The following CNTNAP5 variants were observed in gnomAD, a reference collection of about 807,000 sequenced individuals.
CNTNAP5 encodes the protein contactin associated protein family member 5.
Under a neutral mutation model 150.2 loss-of-function variants are expected in CNTNAP5, and 72 were observed. The observed-to-expected ratio is 0.48, with a 90% CI of 0.40 to 0.58. CNTNAP5 has a LOEUF of 0.58. Among genes scored for constraint, CNTNAP5 ranks in the 20% least tolerant of loss-of-function variants. CNTNAP5 has a pLI of 0.00. For synonymous variants in CNTNAP5, 672 were observed against 619.8 expected, an observed-to-expected ratio of 1.08 and a Z score of -1.25; for missense variants, 1,636 against 1,626.2, an observed-to-expected ratio of 1.01 and a Z score of -0.10.
At position 124,092,879 on chromosome 2, in the gene CNTNAP5, A is replaced by G. The variant is rs572426601; in HGVS notation, c.82+67147A>G. Among the ~76,000 whole-genome samples, 55 of 152,352 alleles carry G rather than the reference A, an allele frequency of 3.6e-4. 1 individual carries two copies. Among genetic ancestry groups the G allele is most frequent in the South Asian group, 2.1e-3 (10 of 4,830 alleles). On this transcript the variant is annotated intron_variant, in intron 1 of 23. Coordinates refer to ENST00000682447, the MANE Select transcript of CNTNAP5 (RefSeq NM_001367498.1). ...TACATGATAAAAATCACGTGATACA[A>G]ACAATGAAACAGGGAAATAGTAATG...
intron 6 of CNTNAP5, among the ~76,000 whole-genome samples, chr2:124,451,029 T>TAAA (rs1156744323): frequency 0.034 from 686 of 19,940 alleles, 42 homozygotes; most frequent in Non-Finnish European, 0.041. Flanking sequence ...CCATGTCTCT[T>TAAA]AAAAAAAAAA....
At chr2:124,885,628 C>G (rs901882723) in intron 21 of CNTNAP5, among the ~76,000 whole-genome samples, 6 of 151,442 alleles carry the variant, frequency 4.0e-5, no homozygotes, top group Non-Finnish European at 5.9e-5. Flanking sequence ...CATCTTCACC[C>G]CTCCTCTTAG....
chr2:124,510,273 C>CTATATCTATATATATATATCTA (rs1553474633), intron 8 of CNTNAP5, among the ~76,000 whole-genome samples: 6,120 of 33,818 alleles, frequency 0.18, 353 homozygotes, highest in South Asian at 0.27. Context: ...ATCTATATAT[C>CTATATCTATATATATATATCTA]TATATCTATA....
chr2:124,209,969 G>A (rs1164541238), intron 1 of CNTNAP5, among the ~76,000 whole-genome samples: 1 of 152,114 alleles, frequency 6.6e-6, no homozygotes, highest in Non-Finnish European at 1.5e-5. Flanking sequence ...CCAATAAATT[G>A]GCAAATCCAA....
intron 1 of CNTNAP5, among the ~76,000 whole-genome samples, chr2:124,180,714 G>A (rs1685187803): frequency 6.6e-6 from 1 of 152,062 alleles, no homozygotes; most frequent in Admixed American, 6.6e-5. Context: ...TATGTTATGT[G>A]GAAACATAGT....
At chr2:124,366,798 C>A (rs56186929) in intron 3 of CNTNAP5, among the ~76,000 whole-genome samples, 1 of 152,148 alleles carries the variant, frequency 6.6e-6, no homozygotes, top group Non-Finnish European at 1.5e-5. Context: ...GAAAAGAGGG[C>A]TGAGTCTTAT....
At chr2:124,444,895 C>T (rs996683085) in intron 5 of CNTNAP5, among the ~76,000 whole-genome samples, 1 of 152,130 alleles carries the variant, frequency 6.6e-6, no homozygotes, top group Admixed American at 6.5e-5. Context: ...CAGCACCGCA[C>T]TCTGCATTTC....
At chr2:124,064,822 C>T (rs1345016698) in intron 1 of CNTNAP5, among the ~76,000 whole-genome samples, 7 of 152,124 alleles carry the variant, frequency 4.6e-5, no homozygotes, top group Non-Finnish European at 1.0e-4. Context: ...GGTTTTCCCA[C>T]CACCGGGAAT....
At chr2:124,076,017 G>A (rs1310579305) in intron 1 of CNTNAP5, among the ~76,000 whole-genome samples, 1 of 152,146 alleles carries the variant, frequency 6.6e-6, no homozygotes, top group Non-Finnish European at 1.5e-5. Flanking sequence ...TAGGAATTAT[G>A]AGTTTGCCCA....
At chr2:124,646,196 T>G (rs1357087872) in intron 12 of CNTNAP5, among the ~76,000 whole-genome samples, 1 of 152,208 alleles carries the variant, frequency 6.6e-6, no homozygotes, top group African/African-American at 2.4e-5. Flanking sequence ...AAACTAAGGT[T>G]TGGAAAGATG....
At chr2:124,565,156 T>C (rs1251487810) in intron 11 of CNTNAP5, among the ~76,000 whole-genome samples, 1 of 152,198 alleles carries the variant, frequency 6.6e-6, no homozygotes, top group Non-Finnish European at 1.5e-5. Context: ...ATGATGTCCA[T>C]AGGGAAGTCT....
intron 1 of CNTNAP5, among the ~76,000 whole-genome samples, chr2:124,220,024 T>C (rs1156416325): frequency 6.6e-6 from 1 of 152,140 alleles, no homozygotes; most frequent in African/African-American, 2.4e-5. Context: ...CAGTTGATTT[T>C]TTAATACACT....
rs1269034251 is a variant in CNTNAP5, at chr2:124,416,281, G to A, written c.382-1162G>A. On this transcript the variant is annotated intron_variant, in intron 3 of 23. Coordinates refer to ENST00000682447, the MANE Select transcript of CNTNAP5 (RefSeq NM_001367498.1). ...GTATGTCAAAGTGTCATGTTTTGGG[G>A]TATCATTTTCTGAGTTCCAGCGTTG... Among the ~76,000 whole-genome samples the A allele has an allele frequency of 7.9e-5, 12 of 151,880 alleles. No homozygotes were observed. The East Asian group carries it at 1.5e-3, about 20-fold the overall frequency.
intron 11 of CNTNAP5, among the ~76,000 whole-genome samples, chr2:124,603,360 T>C (rs1179134605): frequency 6.6e-6 from 1 of 152,202 alleles, no homozygotes; most frequent in South Asian, 2.1e-4. Flanking sequence ...GTGTTACATA[T>C]GTCTTATTGT....
rs374492667 is a variant in CNTNAP5, at chr2:124,918,531, C to T, written c.*4243C>T. On this transcript the variant is annotated 3_prime_UTR_variant, in exon 24 of 24. Coordinates refer to ENST00000682447, the MANE Select transcript of CNTNAP5 (RefSeq NM_001367498.1). ...GAGGGTGCAAGCACAGCCAACTTAT[C>T]CAGTCCAAGATATCCAGGGAGATGA... Among the ~76,000 whole-genome samples, 4 of 152,070 alleles carry T rather than the reference C, an allele frequency of 2.6e-5. No homozygotes were observed. The highest frequency in any genetic ancestry group is 5.9e-5 in the Non-Finnish European group (4 of 68,000).
rs916974110 is a variant in CNTNAP5 at position 124,857,533 on chromosome 2, C to T, written c.3218-7773C>T. Among the ~76,000 whole-genome samples, 3 of 151,880 alleles carry T rather than the reference C, an allele frequency of 2.0e-5. No homozygotes were observed. In the South Asian group the frequency reaches 6.2e-4, roughly 31 times the overall value. On this transcript the variant is annotated intron_variant, in intron 19 of 23. Transcript: ENST00000682447. ...CCTTGGGATTTTCAAGATACGTATA[C>T]ACCCAACTCAGGCCAGGCAGGGGAG... is the stretch of plus-strand genomic sequence containing the variant.
chr2:124,783,875 C>G (rs1195738397), intron 17 of CNTNAP5, among the ~76,000 whole-genome samples: 1 of 152,140 alleles, frequency 6.6e-6, no homozygotes, highest in East Asian at 1.9e-4. Flanking sequence ...AAAACTCAAC[C>G]AGATACATGC....
At chr2:124,588,395 G>A (rs1273229759) in intron 11 of CNTNAP5, among the ~76,000 whole-genome samples, 1 of 151,846 alleles carries the variant, frequency 6.6e-6, no homozygotes, top group Non-Finnish European at 1.5e-5. Context: ...CCAATAATTT[G>A]CATGCCTATC....
chr2:124,454,895 A>C (rs1043147392), intron 6 of CNTNAP5, among the ~76,000 whole-genome samples: 8 of 152,136 alleles, frequency 5.3e-5, no homozygotes, highest in African/African-American at 1.9e-4. Flanking sequence ...CAGCGAAAGC[A>C]GGGCTAAGAG....
Sources: allele counts gnomAD v4.1 joint callset (sites outside exome capture counted in the v4.1 genomes callset), GRCh38; gene constraint gnomAD v4.1.1; transcripts MANE v1.5; gene names NCBI Gene and HGNC (gene_info 2026-07-23, HGNC 2026-07-21).